Variants in KLHL13 observed in about 807,000 individuals in gnomAD.
KLHL13 encodes the protein kelch-like protein 13.
A neutral mutation model predicts 37.1 loss-of-function variants in KLHL13; 10 were observed. The ratio of observed to expected loss-of-function variants is 0.27; its 90% CI spans 0.17 to 0.46. The LOEUF (loss-of-function observed/expected upper bound fraction) is 0.46, where lower values mean the gene tolerates loss of function less well. KLHL13 is among the 20% of genes least tolerant of loss of function. The pLI, the probability that KLHL13 is intolerant of heterozygous loss-of-function variation, is 1.00. For missense variants in KLHL13, 360 were observed against 509.3 expected, an observed-to-expected ratio of 0.71 and a Z score of 2.82; for synonymous variants, 163 against 181.2, an observed-to-expected ratio of 0.90 and a Z score of 0.81.
chrX:118,010,321 CA>C (rs2054047697), intron 1 of KLHL13, among the ~76,000 whole-genome samples: 1 of 43,228 alleles, frequency 2.3e-5, no homozygotes, highest in African/African-American at 9.2e-5. Context: ...TTCACAATAG[CA>C]AAGACTTGGA....
At chrX:117,909,225 G>C in intron 5 of KLHL13, 76 bp downstream of exon 6, 1 of 841,847 alleles carries the variant, frequency 1.2e-6, no homozygotes, top group South Asian at 2.8e-5. Flanking sequence ...GATTTTACAG[G>C]ACTGCTTATT....
chrX:118,046,003 A>G (rs2054556417), intron 1 of KLHL13, among the ~76,000 whole-genome samples: 1 of 111,569 alleles, frequency 9.0e-6, no homozygotes, highest in Non-Finnish European at 1.9e-5. Context: ...CAAACTAAAA[A>G]TAGAGCTACC....
chrX:118,074,963 C>T (rs761845810), intron 1 of KLHL13, among the ~76,000 whole-genome samples: 1 of 111,811 alleles, frequency 8.9e-6, no homozygotes, highest in South Asian at 3.7e-4. Flanking sequence ...CTGGTTCAGC[C>T]CCTTTGGATT....
intron 1 of KLHL13, among the ~76,000 whole-genome samples, chrX:118,089,620 G>GAAAGAAAGAAGAAAGAAAGAA (rs773944967): frequency 4.3e-4 from 31 of 71,918 alleles, no homozygotes; most frequent in African/African-American, 1.7e-3. Context: ...GAGAAAGAAA[G>GAAAGAAAGAAGAAAGAAAGAA]AGAAAGAAAG....
chrX:117,906,406 G>A (rs1044878166), intron 5 of KLHL13, among the ~76,000 whole-genome samples: 1 of 111,133 alleles, frequency 9.0e-6, no homozygotes, highest in African/African-American at 3.3e-5. Context: ...TTATTCTTTG[G>A]GAGCAATAGT....
intron 1 of KLHL13, among the ~76,000 whole-genome samples, chrX:118,061,651 T>G (rs2054743265): frequency 9.0e-6 from 1 of 111,513 alleles, no homozygotes; most frequent in Non-Finnish European, 1.9e-5. Flanking sequence ...TGAAAAGAGT[T>G]TAGTATAATA....
intron 1 of KLHL13, among the ~76,000 whole-genome samples, chrX:118,090,080 C>CAAA (rs55679488): frequency 1.9e-5 from 1 of 53,677 alleles, no homozygotes; most frequent in Admixed American, 2.3e-4. Flanking sequence ...GACTCTGTCT[C>CAAA]AAAAAAAAAA....
intron 5 of KLHL13, among the ~76,000 whole-genome samples, chrX:117,906,955 AT>A (rs1219833724): frequency 2.7e-5 from 3 of 111,538 alleles, no homozygotes; most frequent in Non-Finnish European, 5.7e-5. Context: ...ATGGACCTAT[AT>A]TTACCATTAG....
chrX:117,936,858 G>C (rs780560294), intron 2 of KLHL13, among the ~76,000 whole-genome samples: 1 of 111,900 alleles, frequency 8.9e-6, no homozygotes, highest in South Asian at 3.7e-4. Context: ...TCCATAAATT[G>C]TGACACTTAA....
Position 117,989,408 on chromosome X carries a change from GTATTAATATTTA to G in KLHL13, c.-55-43845_-55-43834del, listed in dbSNP as rs371941388. Among the ~76,000 whole-genome samples, 149 of 106,875 alleles carry G rather than the reference GTATTAATATTTA, an allele frequency of 1.4e-3. 2 individuals are homozygous for G. The highest frequency in any genetic ancestry group is 4.9e-3 in the African/African-American group (144 of 29,326). 92.8% of individuals were successfully genotyped at this position (106,875 alleles called of 115,157 possible). ...GGTGTTTATTAGTCACCTCTGTATT[GTATTAATATTTA>G]TATTAATATTCATTTTAAGGAAAAA... On this transcript the variant is annotated intron_variant, in intron 1 of 6. Transcript: ENST00000371882.
intron 1 of KLHL13, among the ~76,000 whole-genome samples, chrX:118,096,365 C>A (rs747850281): frequency 9.0e-6 from 1 of 111,561 alleles, no homozygotes; most frequent in African/African-American, 3.3e-5. Flanking sequence ...TACACCCTCC[C>A]ACGACTAAAC....
In KLHL13 at chrX:118,067,292, T is replaced by G. The variant is rs891052246; in HGVS notation, c.-56+49216A>C. Among the ~76,000 whole-genome samples the G allele has an allele frequency of 5.4e-5, 6 of 111,577 alleles. No homozygotes were observed. In the East Asian group the frequency reaches 1.7e-3, roughly 31 times the overall value. ...AAAGATAAAAAATGGTACACCTGTATAGGGCACTTAGCATGAATGGAACCT... is the reference window on the plus strand; with the variant it reads ...AAAGATAAAAAATGGTACACCTGTAGAGGGCACTTAGCATGAATGGAACCT... On this transcript the variant is annotated intron_variant, in intron 1 of 6. Transcript: ENST00000371882.
intron 1 of KLHL13, among the ~76,000 whole-genome samples, chrX:117,971,676 C>T (rs781543412): frequency 9.0e-6 from 1 of 111,143 alleles, no homozygotes; most frequent in South Asian, 3.8e-4. Context: ...AGCATAACCA[C>T]ACTTCCTCAG....
At chrX:117,966,959 T>A (rs79555743) in intron 1 of KLHL13, among the ~76,000 whole-genome samples, 27,304 of 110,869 alleles carry the variant, frequency 0.25, 5,572 homozygotes, top group African/African-American at 0.69. Context: ...TAAAATCCCT[T>A]GAAGAAAACC....
At chrX:117,982,104 C>A (rs1488880536) in intron 1 of KLHL13, among the ~76,000 whole-genome samples, 1 of 108,976 alleles carries the variant, frequency 9.2e-6, no homozygotes, top group Non-Finnish European at 1.9e-5. Flanking sequence ...CACAAAAGAA[C>A]ACATGTTCCC....
At chrX:118,049,243 T>C (rs1318984787) in intron 1 of KLHL13, among the ~76,000 whole-genome samples, 1 of 111,639 alleles carries the variant, frequency 9.0e-6, no homozygotes, top group Non-Finnish European at 1.9e-5. Flanking sequence ...ATAAGTACTG[T>C]GGTAAGAAAA....
rs371586670 is a variant in KLHL13 at position 117,963,398 on chromosome X, T to TA, written c.98+9332dup. 3.6e-3 allele frequency among the ~76,000 whole-genome samples: 404 copies of TA among 112,322 alleles called. 3 individuals are homozygous for TA. Among genetic ancestry groups the TA allele is most frequent in the African/African-American group, 0.011 (336 of 30,988 alleles). On this transcript the variant is annotated intron_variant, in intron 1 of 6. Transcript: ENST00000262820. ...TGTGTGCTATAAAGCACACAAACAG[T>TA]AAATTATTCCCTGTCCAATGTAAAG...
chrX:118,014,324 T>C (rs1419470250), intron 1 of KLHL13, among the ~76,000 whole-genome samples: 1 of 111,630 alleles, frequency 9.0e-6, no homozygotes, highest in Admixed American at 9.6e-5. Flanking sequence ...GTCTGTCTTA[T>C]GGGTTTGAGA....
rs971737669 is a variant in KLHL13, at chrX:117,903,596, A to C, written c.1367-1650T>G. On this transcript the variant is annotated intron_variant, in intron 5 of 6. Transcript: ENST00000262820. ...TTGGCATGACTTTTACCTAACGGAC[A>C]AGCAAAATCCTACATTATTATTCTC... 3.6e-5 allele frequency among the ~76,000 whole-genome samples: 4 copies of C among 111,109 alleles called. No homozygotes were observed. In the Admixed American group the frequency reaches 3.8e-4, roughly 11 times the overall value.
Sources: allele counts gnomAD v4.1 joint callset (sites outside exome capture counted in the v4.1 genomes callset), GRCh38; gene constraint gnomAD v4.1.1; transcripts MANE v1.5; gene names NCBI Gene and HGNC (gene_info 2026-07-23, HGNC 2026-07-21).